Variants in PELP1 observed in about 807,000 individuals in gnomAD.
PELP1 encodes proline, glutamate and leucine rich protein 1.
A neutral mutation model predicts 95.5 loss-of-function variants in PELP1; 32 were observed. The ratio of observed to expected loss-of-function variants is 0.34; its 90% CI spans 0.25 to 0.45. The LOEUF is 0.45. Among genes scored for constraint, PELP1 ranks in the 20% least tolerant of loss-of-function variants. The pLI is 1.00. For synonymous variants in PELP1, 668 were observed against 600.1 expected (o/e 1.11, Z -1.65); for missense variants, 1,358 against 1,444.8 (o/e 0.94, Z 0.97).
chr17:4,671,654 T>G (rs1912205927), intron 16 of PELP1, 37 bp downstream of exon 16: 7 of 1,600,242 alleles, frequency 4.4e-6, no homozygotes, highest in Non-Finnish European at 6.0e-6. Flanking sequence ...CAGCCCCACC[T>G]TCTCGCCCAA....
Position 4,682,791 on chromosome 17 carries a change from G to C in PELP1, c.570+12C>G, listed in dbSNP as rs771197352. ...GGGGGGCCATGGGGAAGGGTCCAGG[G>C]AGACATCTCACCTCTGGCCTGAGGC... is the stretch of plus-strand genomic sequence containing the variant. On this transcript the variant is annotated intron_variant, in intron 4 of 16. Transcript: ENST00000572293. The C allele has an allele frequency of 6.4e-7, 1 of 1,561,078 alleles. No individual in the cohort carries two copies. The highest frequency in any genetic ancestry group is 8.6e-7 in the Non-Finnish European group (1 of 1,157,344).
At position 4,674,524 on chromosome 17, in the gene PELP1, G is replaced by T; in HGVS notation, c.1568C>A (p.Ala523Glu). ...GDSNANSDVC[A>E]AALRGLSRTI... ...GCCTCACCCACCTCTGAGTGCAGCCGCACACACGTCGCTGTTGGCATTGCT... is the reference window on the plus strand; with the variant it reads ...GCCTCACCCACCTCTGAGTGCAGCCTCACACACGTCGCTGTTGGCATTGCT... Residue 523 changes from alanine (A) to glutamate (E), a missense_variant, in exon 13 of 17, where the codon GCG (alanine) becomes GAG (glutamate). By Grantham distance (107) the Ala-to-Glu change is moderately radical (BLOSUM62 -1). Transcript: ENST00000572293. The T allele has an allele frequency of 1.2e-6, 2 of 1,612,754 alleles. No homozygotes were observed. Among genetic ancestry groups the T allele is most frequent in the South Asian group, 1.1e-5 (1 of 90,960 alleles).
At chr17:4,698,085 TCCTCCCACTTCGG>T (rs981878902) in intron 1 of PELP1, among the ~76,000 whole-genome samples, 4 of 149,412 alleles carry the variant, frequency 2.7e-5, no homozygotes, top group African/African-American at 7.4e-5. Context: ...CACTCAGTGA[TCCTCCCACTTCGG>T]CCTCCCACTA....
intron 3 of PELP1, among the ~76,000 whole-genome samples, chr17:4,685,780 G>A (rs1241942225): frequency 1.9e-5 from 2 of 103,786 alleles, no homozygotes; most frequent in Non-Finnish European, 3.9e-5. Context: ...GTGACAAAAT[G>A]AAACCATGTC....
intron 3 of PELP1, among the ~76,000 whole-genome samples, chr17:4,684,532 C>T (rs772608548): frequency 9.9e-5 from 15 of 152,184 alleles, no homozygotes; most frequent in Non-Finnish European, 2.1e-4. Context: ...GACAGTCCCT[C>T]CGCTGTGCTT....
intron 5 of PELP1, among the ~76,000 whole-genome samples, chr17:4,678,910 G>A (rs1821868634): frequency 1.3e-5 from 2 of 152,140 alleles, no homozygotes; most frequent in East Asian, 1.9e-4. Context: ...ACTAGTCTGC[G>A]AGATTTTCCA....
At chr17:4,696,354 C>G (rs1050876860) in intron 1 of PELP1, among the ~76,000 whole-genome samples, 1 of 152,000 alleles carries the variant, frequency 6.6e-6, no homozygotes, top group Non-Finnish European at 1.5e-5. Context: ...ATAAAAAGAG[C>G]GAAGACTATG....
At position 4,671,782 on chromosome 17, in the gene PELP1, T is replaced by C; in HGVS notation, c.3209A>G (p.Glu1070Gly). Residue 1070 changes from glutamate (E) to glycine (G), a missense_variant, in exon 16 of 17, where the codon GAG (glutamate) becomes GGG (glycine). Physicochemically the swap from Glu to Gly is moderately conservative, Grantham distance 98. Coordinates refer to ENST00000572293, the MANE Select transcript of PELP1 (RefSeq NM_014389.3). Reference protein sequence around the residue: ...APPTLLEEETEDGSDKVQPPP... With the variant: ...APPTLLEEETGDGSDKVQPPP... The stretch of plus-strand genomic sequence containing the variant: ...GGGCTGCACCTTGTCACTCCCATCC[T>C]CAGTCTCCTCTTCCAACAGGGTTGG... 1 of 1,517,030 alleles carries C rather than the reference T, an allele frequency of 6.6e-7. No homozygotes were observed. Among genetic ancestry groups the C allele is most frequent in the South Asian group, 1.4e-5 (1 of 73,054 alleles). 94.0% of individuals were successfully genotyped at this position (1,517,030 alleles called of 1,614,324 possible). A position where few individuals can be genotyped will look rare whatever the true frequency, so the allele number is the denominator to read the frequency against.
At chr17:4,685,914 T>C (rs55956806) in intron 3 of PELP1, among the ~76,000 whole-genome samples, 27,056 of 151,694 alleles carry the variant, frequency 0.18, 2,781 homozygotes, top group Middle Eastern at 0.26. Context: ...CTGGCCAACA[T>C]GGTGAAACCC....
chr17:4,675,991 T>A lies in PELP1; in HGVS notation c.980+45A>T. 1.2e-6 allele frequency: 2 copies of A among 1,609,086 alleles called. No homozygotes were observed. Among genetic ancestry groups the A allele is most frequent in the East Asian group, 2.2e-5 (1 of 44,832 alleles). On this transcript the variant is annotated intron_variant, in intron 8 of 16. Coordinates refer to ENST00000572293, the MANE Select transcript of PELP1 (RefSeq NM_014389.3). This position sits in a 1 kb window ranked among gnomAD's most constrained non-coding sequence, Gnocchi z 4.3. Reference sequence around the variant, plus strand: ...GATGAAGGCGACACTCCCTCATCAATCCCTCCTGCTCCACGCCTCCGCTCC... The same window carrying A: ...GATGAAGGCGACACTCCCTCATCAAACCCTCCTGCTCCACGCCTCCGCTCC...
chr17:4,688,156 G>A (rs988396955), intron 3 of PELP1, among the ~76,000 whole-genome samples: 16 of 152,202 alleles, frequency 1.1e-4, no homozygotes, highest in African/African-American at 3.1e-4. Context: ...CCAACATGGC[G>A]AAACCCTATC....
Position 4,672,406 on chromosome 17 carries a change from G to T in PELP1, c.2585C>A (p.Pro862His). 6.4e-7 allele frequency: 1 copy of T among 1,564,238 alleles called. No individual in the cohort carries two copies. Among genetic ancestry groups the T allele is most frequent in the Non-Finnish European group, 8.7e-7 (1 of 1,153,974 alleles). ...PVTLPPPQLV[P>H]EGTPGGGGPP... ...TCCTCCCCCACCAGGAGTCCCTTCA[G>T]GGACCAACTGGGGTGGAGGGAGCGT... Residue 862 changes from proline to histidine, a missense_variant, in exon 16 of 17, where the codon CCT becomes CAT. By Grantham distance (77) the Pro-to-His change is moderately conservative. Transcript: ENST00000572293.
intron 2 of PELP1, 59 bp from the exon 3 acceptor site, chr17:4,691,052 A>G: frequency 8.2e-7 from 1 of 1,224,896 alleles, no homozygotes. Flanking sequence ...AGAGAAAGTG[A>G]CTGCTCTTTT....
At chr17:4,691,746 TC>T (rs1236939426) in intron 1 of PELP1, 2 of 379,580 alleles carry the variant, frequency 5.3e-6, no homozygotes, top group African/African-American at 4.1e-5. Context: ...TGGGTCTGCT[TC>T]ACCTCTATAT....
At chr17:4,680,738 TC>T (rs1385391991) in intron 5 of PELP1, among the ~76,000 whole-genome samples, 3 of 152,220 alleles carry the variant, frequency 2.0e-5, no homozygotes, top group African/African-American at 7.2e-5. Flanking sequence ...TAAGCAGGTG[TC>T]CGATCGTTTG....
intron 2 of PELP1, 188 bp from the exon 3 acceptor site, chr17:4,691,181 T>A: frequency 1.6e-6 from 1 of 639,876 alleles, no homozygotes; most frequent in South Asian, 2.0e-5. Flanking sequence ...AATCCCAGGG[T>A]GGAATAGGAC....
At chr17:4,691,730 C>T (rs1183169674) in intron 1 of PELP1, 1 of 409,830 alleles carries the variant, frequency 2.4e-6, no homozygotes, top group Admixed American at 4.0e-5. Flanking sequence ...TACCAGACTT[C>T]AAAGATGGGT....
intron 1 of PELP1, among the ~76,000 whole-genome samples, chr17:4,694,984 C>T (rs183916137): frequency 6.6e-6 from 1 of 150,624 alleles, no homozygotes; most frequent in African/African-American, 2.4e-5. Flanking sequence ...GCCAAGATTG[C>T]ACCACTGTAC....
At position 4,672,582 on chromosome 17, in the gene PELP1, G is replaced by A. The variant is rs756043570; in HGVS notation, c.2409C>T (p.Pro803=). ...EGLPPLPPPP[P]SGATPPPIAP... Reference sequence around the variant, plus strand: ...CTATAGGGGGTGGTGTGGCACCTGAGGGTGGTGGGGGTGGCAGGGGGGGAA... The same window carrying A: ...CTATAGGGGGTGGTGTGGCACCTGAAGGTGGTGGGGGTGGCAGGGGGGGAA... Residue 803 remains proline (P), a synonymous_variant, in exon 16 of 17, where the codon CCC becomes CCT. Coordinates refer to ENST00000572293, the MANE Select transcript of PELP1 (RefSeq NM_014389.3). 1.9e-6 allele frequency: 3 copies of A among 1,587,480 alleles called. No homozygotes were observed. Among genetic ancestry groups the A allele is most frequent in the Non-Finnish European group, 2.6e-6 (3 of 1,161,590 alleles).
Sources: gnomAD v4.1 joint callset for allele counts (sites outside exome capture counted in the v4.1 genomes callset) on GRCh38, gnomAD v4.1.1 for gene constraint, Gnocchi (gnomAD v3.1) non-coding constraint, MANE v1.5 for transcripts, NCBI Gene and HGNC (gene_info 2026-07-23, HGNC 2026-07-21) for gene names.